The following ZNF385D variants were observed in gnomAD, a reference collection of about 807,000 sequenced individuals.
The protein encoded by ZNF385D is zinc finger protein 385D, also known as zinc finger protein 659.
In ZNF385D, 15 loss-of-function variants were observed where a neutral mutation model predicts 35.8. The ratio of observed to expected loss-of-function variants is 0.42; its 90% CI spans 0.28 to 0.64. The LOEUF is 0.64. Among genes scored for constraint, ZNF385D ranks in the 30% least tolerant of loss-of-function variants. ZNF385D has a pLI of 0.23. For missense variants in ZNF385D, 474 were observed against 494.6 expected (o/e 0.96, Z 0.39); for synonymous variants, 212 against 186.8 (o/e 1.13, Z -1.10).
At chr3:22,254,419 T>A (rs1014841986) in intron 2 of ZNF385D, among the ~76,000 whole-genome samples, 4 of 151,894 alleles carry the variant, frequency 2.6e-5, no homozygotes, top group African/African-American at 9.7e-5. Flanking sequence ...ACATTTACTA[T>A]CAGAAATATT....
At chr3:22,010,387 C>A (rs1299272697) in intron 3 of ZNF385D, among the ~76,000 whole-genome samples, 1 of 152,172 alleles carries the variant, frequency 6.6e-6, no homozygotes, top group Non-Finnish European at 1.5e-5. Flanking sequence ...TCTGCCTTAT[C>A]AAGAAACAAA....
rs531271034 is a variant in ZNF385D at position 22,078,325 on chromosome 3, T to C, written c.325+90492A>G. 2.6e-5 allele frequency among the ~76,000 whole-genome samples: 4 copies of C among 152,158 alleles called. No individual in the cohort carries two copies. In the South Asian group the frequency reaches 8.3e-4, roughly 32 times the overall value. On this transcript the variant is annotated intron_variant, in intron 3 of 5. Transcript: ENST00000494108. The stretch of plus-strand genomic sequence containing the variant: ...TGAATGACTGCATCGCATTGCAATA[T>C]AACCAAGTATGCTCATCATTTGGTG...
At chr3:21,751,627 T>A (rs1235750728), upstream of ZNF385D, among the ~76,000 whole-genome samples, 2 of 152,042 alleles carry the variant, frequency 1.3e-5, no homozygotes, top group Non-Finnish European at 2.9e-5. Flanking sequence ...TTTGTTGTTA[T>A]TTTTTGTGAT....
chr3:22,044,418 G>A (rs1422382961), intron 3 of ZNF385D, among the ~76,000 whole-genome samples: 2 of 152,028 alleles, frequency 1.3e-5, no homozygotes, highest in Non-Finnish European at 1.5e-5. Flanking sequence ...TGTGTTTGGG[G>A]GATAGAGTTC....
intron 2 of ZNF385D, among the ~76,000 whole-genome samples, chr3:22,304,584 T>A (rs1298037705): frequency 6.6e-6 from 1 of 152,170 alleles, no homozygotes; most frequent in African/African-American, 2.4e-5. Context: ...AGTGATATAA[T>A]CATGCTTCCC....
chr3:22,122,054 C>T (rs1703115899), intron 3 of ZNF385D, among the ~76,000 whole-genome samples: 1 of 152,138 alleles, frequency 6.6e-6, no homozygotes, highest in Non-Finnish European at 1.5e-5. Flanking sequence ...CTGATAGCCA[C>T]TAGAGCAACA....
chr3:21,441,622 A>G lies in ZNF385D; in HGVS notation c.440-4419T>C, dbSNP rs528982972. 7.8e-6 allele frequency: 7 copies of G among 896,136 alleles called. No homozygotes were observed. In the African/African-American group the frequency reaches 1.1e-4, roughly 14 times the overall value. 55.5% of individuals were successfully genotyped at this position (896,136 alleles called of 1,614,324 possible). ...TATCCAAATACCATAATGCTAAGGTATTAAGTTGCTTAAAATCATTTAGAA... is the reference window on the plus strand; with the variant it reads ...TATCCAAATACCATAATGCTAAGGTGTTAAGTTGCTTAAAATCATTTAGAA... On this transcript the variant is annotated intron_variant, in intron 4 of 7. Coordinates refer to ENST00000281523, the MANE Select transcript of ZNF385D (RefSeq NM_024697.3).
chr3:21,497,458 T>G (rs576128320), intron 4 of ZNF385D, among the ~76,000 whole-genome samples: 7 of 152,304 alleles, frequency 4.6e-5, no homozygotes, highest in Non-Finnish European at 1.0e-4. Flanking sequence ...ATTGTTAAAA[T>G]GGCCAGACTG....
intron 2 of ZNF385D, among the ~76,000 whole-genome samples, chr3:21,614,303 TC>T (rs2064777008): frequency 6.6e-6 from 1 of 152,052 alleles, no homozygotes; most frequent in South Asian, 2.1e-4. Context: ...CTCTCTAGAG[TC>T]TCTTCTTGTA....
At chr3:22,181,826 GCTTTTT>G (rs1695300605) in intron 2 of ZNF385D, among the ~76,000 whole-genome samples, 2 of 151,996 alleles carry the variant, frequency 1.3e-5, no homozygotes, top group Non-Finnish European at 2.9e-5. Flanking sequence ...AGCTGCCAAA[GCTTTTT>G]CATGTTGTCT....
At chr3:21,676,579 C>T (rs1198023510) in intron 1 of ZNF385D, among the ~76,000 whole-genome samples, 1 of 151,988 alleles carries the variant, frequency 6.6e-6, no homozygotes, top group Non-Finnish European at 1.5e-5. Context: ...TATAAGGAGT[C>T]CTGTCCCTTT....
At chr3:21,525,697 A>C (rs1389118188) in intron 3 of ZNF385D, among the ~76,000 whole-genome samples, 1 of 151,816 alleles carries the variant, frequency 6.6e-6, no homozygotes, top group African/African-American at 2.4e-5. Context: ...AAAAAAAAAA[A>C]AAAAAAAAAC....
At chr3:21,863,567 A>G (rs1401033167) in intron 3 of ZNF385D, among the ~76,000 whole-genome samples, 2 of 152,170 alleles carry the variant, frequency 1.3e-5, no homozygotes, top group African/African-American at 4.8e-5. Context: ...TCCCAGGGCT[A>G]GCTAGTAGTT....
intron 2 of ZNF385D, among the ~76,000 whole-genome samples, chr3:21,616,427 T>C (rs1471903121): frequency 6.6e-6 from 1 of 152,196 alleles, no homozygotes; most frequent in Non-Finnish European, 1.5e-5. Flanking sequence ...TACCCTTCAG[T>C]ACCTTCCATG....
intron 3 of ZNF385D, among the ~76,000 whole-genome samples, chr3:22,046,238 A>G (rs1466567607): frequency 6.6e-6 from 1 of 151,998 alleles, no homozygotes. Context: ...ACATTTTTGT[A>G]GATTAGATAA....
chr3:22,058,508 G>A (rs1455156241), intron 3 of ZNF385D, among the ~76,000 whole-genome samples: 1 of 152,128 alleles, frequency 6.6e-6, no homozygotes, highest in East Asian at 1.9e-4. Flanking sequence ...GTGAGGCAAT[G>A]TTTCCAACTC....
intron 2 of ZNF385D, among the ~76,000 whole-genome samples, chr3:21,567,407 A>AAAT (rs2063187407): frequency 6.6e-6 from 1 of 152,114 alleles, no homozygotes; most frequent in Non-Finnish European, 1.5e-5. Context: ...CCCAGAACCA[A>AAAT]AATTAACAAT....
At chr3:22,068,079 G>C (rs1230886083) in intron 3 of ZNF385D, among the ~76,000 whole-genome samples, 1 of 152,034 alleles carries the variant, frequency 6.6e-6, no homozygotes. Flanking sequence ...TTTTGAAATT[G>C]AAATAGAAAT....
intron 3 of ZNF385D, among the ~76,000 whole-genome samples, chr3:21,873,218 T>A (rs1003237086): frequency 3.9e-5 from 6 of 152,124 alleles, no homozygotes; most frequent in Non-Finnish European, 7.4e-5. Flanking sequence ...ATAAGTGTGT[T>A]CATGCAGCAT....
Sources: allele counts gnomAD v4.1 joint callset (sites outside exome capture counted in the v4.1 genomes callset), GRCh38; gene constraint gnomAD v4.1.1; transcripts MANE v1.5; gene names NCBI Gene and HGNC (gene_info 2026-07-23, HGNC 2026-07-21).